SPG11: variants seen among roughly 807,000 people sequenced by gnomAD.
SPG11 encodes spatacsin.
Under a neutral mutation model 274.0 loss-of-function variants are expected in SPG11, and 222 were observed. The observed-to-expected ratio is 0.81, with a 90% CI of 0.73 to 0.91. The LOEUF (loss-of-function observed/expected upper bound fraction) is 0.91. Ranked by LOEUF, SPG11 falls within the 40% of genes least tolerant of loss-of-function variation. The pLI, the probability that SPG11 is intolerant of heterozygous loss-of-function variation, is 0.00. For synonymous variants in SPG11, 1,144 were observed against 1,039.7 expected, an observed-to-expected ratio of 1.10 and a Z score of -1.93; for missense variants, 3,114 against 2,872.7, an observed-to-expected ratio of 1.08 and a Z score of -1.92.
intron 20 of SPG11, among the ~76,000 whole-genome samples, chr15:44,602,714 C>T (rs1437121787): frequency 6.6e-6 from 1 of 151,992 alleles, no homozygotes; most frequent in Non-Finnish European, 1.5e-5. Context: ...TATCTCCTGA[C>T]CTCGTGATCT....
At chr15:44,594,013 G>A (rs1478526670) in intron 26 of SPG11, among the ~76,000 whole-genome samples, 2 of 148,972 alleles carry the variant, frequency 1.3e-5, no homozygotes, top group African/African-American at 2.5e-5. Flanking sequence ...CAAATGATCC[G>A]CCCGTCTCAG....
chr15:44,577,502 CA>C (rs755097423), intron 30 of SPG11, among the ~76,000 whole-genome samples: 85 of 91,668 alleles, frequency 9.3e-4, no homozygotes, highest in South Asian at 1.8e-3. Context: ...GGCCCTATCT[CA>C]AAAAAAAAAA....
chr15:44,572,568 G>C (rs1460016825), intron 33 of SPG11, 115 bp downstream of exon 33: 1 of 1,055,672 alleles, frequency 9.5e-7, no homozygotes, highest in Non-Finnish European at 1.5e-6. Flanking sequence ...ACTCCTGCTG[G>C]AGGGCTAGGC....
At chr15:44,608,686 A>T in intron 18 of SPG11, 81 bp from the exon 19 acceptor site, 2 of 1,352,838 alleles carry the variant, frequency 1.5e-6, no homozygotes, top group Non-Finnish European at 2.1e-6. Context: ...GAACCTTGTG[A>T]AACAAGATTA....
Position 44,584,200 on chromosome 15 carries a change from G to A in SPG11, c.5480C>T (p.Ser1827Leu). The A allele has an allele frequency of 6.2e-7, 1 of 1,614,210 alleles. No homozygotes were observed. The highest frequency in any genetic ancestry group is 8.5e-7 in the Non-Finnish European group (1 of 1,180,034). Reference protein sequence around the residue: ...ETEPRFSRQISTSGELSFDSL... With the variant: ...ETEPRFSRQILTSGELSFDSL... ...ATCAAAGGAAAGTTCACCACTAGTTGAGATCTGTCGAGAAAATCTGGGCTC... is the reference window on the plus strand; with the variant it reads ...ATCAAAGGAAAGTTCACCACTAGTTAAGATCTGTCGAGAAAATCTGGGCTC... Residue 1827 changes from serine to leucine, a missense_variant, in exon 30 of 40, where the codon TCA (serine) becomes TTA (leucine). By Grantham distance (145) the Ser-to-Leu change is moderately radical (BLOSUM62 -2). Transcript: ENST00000261866.
chr15:44,618,690 G>C (rs972503421), intron 15 of SPG11, among the ~76,000 whole-genome samples: 3 of 151,812 alleles, frequency 2.0e-5, no homozygotes, highest in Non-Finnish European at 1.5e-5. Flanking sequence ...CGTGGTGGTG[G>C]GTGCCTGTAG....
intron 2 of SPG11, among the ~76,000 whole-genome samples, 199 bp from the exon 3 acceptor site, chr15:44,659,502 A>C (rs552033143): frequency 1.3e-5 from 2 of 152,300 alleles, no homozygotes; most frequent in African/African-American, 4.8e-5. Context: ...GATGGCCTAC[A>C]ATGTCCCTGA....
At chr15:44,633,416 G>C in intron 8 of SPG11, 89 bp downstream of exon 8, 1 of 768,576 alleles carries the variant, frequency 1.3e-6, no homozygotes, top group Middle Eastern at 5.4e-4. Context: ...GCAAGTAAAT[G>C]AGTCATCAGA....
intron 28 of SPG11, among the ~76,000 whole-genome samples, 186 bp downstream of exon 28, chr15:44,589,066 T>A (rs2082837928): frequency 6.6e-6 from 1 of 152,242 alleles, no homozygotes; most frequent in Non-Finnish European, 1.5e-5. Flanking sequence ...TTATGTTTTA[T>A]GCTGTTGTAT....
intron 26 of SPG11, among the ~76,000 whole-genome samples, chr15:44,594,436 CAAAAACA>C (rs2082981326): frequency 6.6e-6 from 1 of 151,504 alleles, no homozygotes; most frequent in African/African-American, 2.4e-5. Context: ...AAAACAAAAA[CAAAAACA>C]AAAAACAAAA....
At chr15:44,588,611 T>C (rs765635601) in intron 28 of SPG11, 3 of 422,450 alleles carry the variant, frequency 7.1e-6, no homozygotes, top group East Asian at 1.5e-4. Context: ...GTGACAGATT[T>C]GGCTGAAGGC....
rs1399476331 is a variant in SPG11 at position 44,584,381 on chromosome 15, T to C, written c.5299A>G (p.Ser1767Gly). The change falls in exon 30 of 40, where the codon AGC (serine) becomes GGC (glycine). Residue 1767 changes from serine to glycine, a missense_variant. Coordinates refer to ENST00000261866, the MANE Select transcript of SPG11 (RefSeq NM_025137.4). The part of the protein sequence containing the change: ...HVACEHPTGW[S>G]SMEERHLLLT... ...AGCAGATGGCGCTCCTCCATGCTGCTCCATCCAGTTGGGTGCTCACATGCC... is the reference window on the plus strand; with the variant it reads ...AGCAGATGGCGCTCCTCCATGCTGCCCCATCCAGTTGGGTGCTCACATGCC... 6.2e-7 allele frequency: 1 copy of C among 1,613,738 alleles called. No individual in the cohort carries two copies. Among genetic ancestry groups the C allele is most frequent in the East Asian group, 2.2e-5 (1 of 44,878 alleles).
chr15:44,611,245 T>C (rs1282501281), intron 17 of SPG11, among the ~76,000 whole-genome samples: 1 of 152,140 alleles, frequency 6.6e-6, no homozygotes, highest in Non-Finnish European at 1.5e-5. Flanking sequence ...AGAAAAATTG[T>C]AACAAATGAC....
chr15:44,599,971 G>A (rs945607309), intron 21 of SPG11, among the ~76,000 whole-genome samples: 228 of 152,198 alleles, frequency 1.5e-3, no homozygotes, highest in Non-Finnish European at 3.7e-4. Flanking sequence ...TTTAAGCCCC[G>A]CATGCATTAG....
chr15:44,606,238 C>A (rs756874315), intron 19 of SPG11, 147 bp from the exon 20 acceptor site: 32 of 645,720 alleles, frequency 5.0e-5, no homozygotes, highest in Non-Finnish European at 8.3e-5. Flanking sequence ...TCTTTGAACA[C>A]AGCTAAAAAT....
In SPG11 at chr15:44,651,760, T is replaced by G. The variant is rs3759875; in HGVS notation, c.1187A>C (p.Tyr396Ser). 1.9e-6 allele frequency: 3 copies of G among 1,614,140 alleles called. No individual in the cohort carries two copies. Among genetic ancestry groups the G allele is most frequent in the Non-Finnish European group, 2.5e-6 (3 of 1,180,058 alleles). ...FIPQDIMHGQ[Y>S]NVLQKDHAKT... is the part of the protein sequence containing the mutation. ...GGCATGATCTTTCTGTAGAACATTA[T>G]ATTGCCCATGCATTATGTCCTGTGG... The change falls in exon 6 of 40, where the codon TAT (tyrosine) becomes TCT (serine). Residue 396 changes from tyrosine (Y) to serine (S), a missense_variant. Coordinates refer to ENST00000261866, the MANE Select transcript of SPG11 (RefSeq NM_025137.4).
intron 35 of SPG11, among the ~76,000 whole-genome samples, chr15:44,567,847 C>T (rs2082340940): frequency 6.6e-6 from 1 of 152,172 alleles, no homozygotes; most frequent in East Asian, 1.9e-4. Context: ...GCTGATCTAA[C>T]AATTCCATTT....
intron 7 of SPG11, among the ~76,000 whole-genome samples, chr15:44,644,677 A>G (rs2084554687): frequency 6.6e-6 from 1 of 152,166 alleles, no homozygotes; most frequent in South Asian, 2.1e-4. Context: ...AGAACACCCC[A>G]TAGTCTCTGT....
At chr15:44,574,283 C>T (rs2140930211) in intron 31 of SPG11, among the ~76,000 whole-genome samples, 1 of 152,338 alleles carries the variant, frequency 6.6e-6, no homozygotes, top group East Asian at 1.9e-4. Flanking sequence ...GGATTATAGG[C>T]ATGAGCCACC....
Sources: allele counts gnomAD v4.1 joint callset (sites outside exome capture counted in the v4.1 genomes callset), GRCh38; gene constraint gnomAD v4.1.1; transcripts MANE v1.5; gene names NCBI Gene and HGNC (gene_info 2026-07-23, HGNC 2026-07-21).